The following FRMD4B variants were observed in gnomAD, a reference collection of about 807,000 sequenced individuals.
FRMD4B encodes FERM domain-containing protein 4B.
In FRMD4B, 74 loss-of-function variants were observed where a neutral mutation model predicts 141.5. The observed-to-expected ratio is 0.52, with a 90% CI of 0.43 to 0.63. The LOEUF (loss-of-function observed/expected upper bound fraction) is 0.63, where lower values mean the gene tolerates loss of function less well. Ranked by LOEUF, FRMD4B falls within the 30% of genes least tolerant of loss-of-function variation. The pLI is 0.00. For synonymous variants in FRMD4B, 506 were observed against 467.9 expected (o/e 1.08, Z -1.05); for missense variants, 1,366 against 1,253.4 (o/e 1.09, Z -1.36).
chr3:69,347,127 A>G (rs1406954093), intron 1 of FRMD4B, among the ~76,000 whole-genome samples: 1 of 152,230 alleles, frequency 6.6e-6, no homozygotes, highest in African/African-American at 2.4e-5. Flanking sequence ...AAATAAAGAG[A>G]TGAATGAAGG....
intron 1 of FRMD4B, among the ~76,000 whole-genome samples, chr3:69,362,911 TG>T (rs1703511894): frequency 6.6e-6 from 1 of 151,950 alleles, no homozygotes; most frequent in African/African-American, 2.4e-5. Context: ...TGAATACTTT[TG>T]TTGTTGTTGT....
At chr3:69,267,526 C>G (rs1426539120) in intron 5 of FRMD4B, among the ~76,000 whole-genome samples, 1 of 151,106 alleles carries the variant, frequency 6.6e-6, no homozygotes, top group Admixed American at 6.6e-5. Flanking sequence ...ACTGCACACC[C>G]AGCACCTATA....
At chr3:69,458,758 T>C (rs940318279) in intron 1 of FRMD4B, among the ~76,000 whole-genome samples, 4 of 151,462 alleles carry the variant, frequency 2.6e-5, no homozygotes, top group African/African-American at 9.7e-5. Flanking sequence ...AGCCAGTGTA[T>C]TGGTAGATTC....
intron 7 of FRMD4B, among the ~76,000 whole-genome samples, chr3:69,230,127 C>T (rs764721767): frequency 3.9e-5 from 6 of 151,996 alleles, no homozygotes; most frequent in African/African-American, 1.2e-4. Context: ...AGGCGCCCTC[C>T]GCCACGCCTG....
chr3:69,536,730 T>C, intron 1 of FRMD4B: 1 of 621,230 alleles, frequency 1.6e-6, no homozygotes, highest in South Asian at 1.7e-5. Flanking sequence ...TGGTAAGGAC[T>C]TCCTCAGTTT....
intron 5 of FRMD4B, among the ~76,000 whole-genome samples, chr3:69,276,038 A>C (rs759544175): frequency 6.6e-6 from 1 of 152,162 alleles, no homozygotes; most frequent in African/African-American, 2.4e-5. Flanking sequence ...GACTGTTTTC[A>C]TGTTAGCTAA....
intron 1 of FRMD4B, among the ~76,000 whole-genome samples, chr3:69,480,415 T>C (rs1706099222): frequency 6.6e-6 from 1 of 152,184 alleles, no homozygotes; most frequent in South Asian, 2.1e-4. Flanking sequence ...TTGTTAGTTT[T>C]CCTTCTAACA....
rs1294108320 is a variant in FRMD4B at position 69,168,945 on chromosome 3, A to G, written c.*2916T>C. 6.6e-6 allele frequency among the ~76,000 whole-genome samples: 1 copy of G among 152,154 alleles called. No individual in the cohort carries two copies. The highest frequency in any genetic ancestry group is 2.4e-5 in the African/African-American group (1 of 41,438). On this transcript the variant is annotated 3_prime_UTR_variant, in exon 23 of 23. Transcript: ENST00000398540. Reference sequence around the variant, plus strand: ...TGTTAAACATATATCTTTATGAGGTAGATCAGTATGTCTTGATACAGAGGC... The same window carrying G: ...TGTTAAACATATATCTTTATGAGGTGGATCAGTATGTCTTGATACAGAGGC...
chr3:69,486,931 A>AACATGCCCC (rs1327387694), intron 1 of FRMD4B, among the ~76,000 whole-genome samples: 1 of 152,130 alleles, frequency 6.6e-6, no homozygotes, highest in Non-Finnish European at 1.5e-5. Flanking sequence ...TAAAAGACAA[A>AACATGCCCC]ACATGCCCCT....
chr3:69,327,525 C>T (rs1409962288), intron 1 of FRMD4B, among the ~76,000 whole-genome samples: 2 of 152,192 alleles, frequency 1.3e-5, no homozygotes, highest in Non-Finnish European at 2.9e-5. Context: ...TGCTTACTCT[C>T]AGGGTTTTCA....
At chr3:69,404,686 G>A (rs573145087) in intron 2 of FRMD4B, among the ~76,000 whole-genome samples, 2 of 152,260 alleles carry the variant, frequency 1.3e-5, no homozygotes, top group South Asian at 2.1e-4. Context: ...GTGGAGTTGG[G>A]CATAAATGAA....
chr3:69,374,369 G>A, intron 1 of FRMD4B, among the ~76,000 whole-genome samples: 1 of 152,120 alleles, frequency 6.6e-6, no homozygotes, highest in South Asian at 2.1e-4. Context: ...ATTTTATCAA[G>A]GACCTTTTCT....
chr3:69,187,550 A>T (rs4593034), intron 19 of FRMD4B, among the ~76,000 whole-genome samples: 113,677 of 143,590 alleles, frequency 0.79, 47,437 homozygotes, highest in Non-Finnish European at 0.94. Context: ...CAAAAAAAAA[A>T]AAATATATAT....
intron 5 of FRMD4B, among the ~76,000 whole-genome samples, chr3:69,260,600 C>T (rs1344892800): frequency 1.3e-5 from 2 of 152,274 alleles, no homozygotes; most frequent in African/African-American, 2.4e-5. Context: ...ATGGGCGCCG[C>T]CTGGTCCCAT....
chr3:69,182,758 C>G (rs2092721845), intron 19 of FRMD4B, 41 bp from the exon 20 acceptor site: 1 of 1,596,180 alleles, frequency 6.3e-7, no homozygotes, highest in Non-Finnish European at 8.5e-7. Context: ...TGATGAGTCT[C>G]TCAACATCTC....
intron 1 of FRMD4B, among the ~76,000 whole-genome samples, chr3:69,528,407 C>G (rs988408378): frequency 6.6e-6 from 1 of 151,706 alleles, no homozygotes; most frequent in Non-Finnish European, 1.5e-5. Flanking sequence ...CTCTGTTACC[C>G]AGGCTGGAGT....
intron 10 of FRMD4B, among the ~76,000 whole-genome samples, chr3:69,217,423 C>A (rs1575620476): frequency 6.6e-6 from 1 of 152,134 alleles, no homozygotes; most frequent in East Asian, 1.9e-4. Flanking sequence ...GAGTTCAAGA[C>A]CAGCCTGGCC....
intron 5 of FRMD4B, among the ~76,000 whole-genome samples, chr3:69,250,925 C>CAAAA (rs534564849): frequency 2.0e-5 from 3 of 150,502 alleles, no homozygotes; most frequent in African/African-American, 7.4e-5. Context: ...TCATCTCTAC[C>CAAAA]AAAAAAGAAA....
intron 21 of FRMD4B, among the ~76,000 whole-genome samples, chr3:69,178,428 C>T (rs551372716): frequency 2.0e-5 from 3 of 152,124 alleles, no homozygotes; most frequent in South Asian, 4.2e-4. Context: ...GTTGTAATCC[C>T]AGCACTTTGG....
Sources: gnomAD v4.1 joint callset for allele counts (sites outside exome capture counted in the v4.1 genomes callset) on GRCh38, gnomAD v4.1.1 for gene constraint, MANE v1.5 for transcripts, NCBI Gene and HGNC (gene_info 2026-07-23, HGNC 2026-07-21) for gene names.